The following SATL1 variants were observed in gnomAD, a reference collection of about 807,000 sequenced individuals.
The protein encoded by SATL1 is spermidine/spermine N1-acetyl transferase like 1, also known as spermidine/spermine N(1)-acetyltransferase-like protein 1.
In SATL1, 47 loss-of-function variants were observed where a neutral mutation model predicts 51.8. The observed-to-expected ratio is 0.91, with a 90% confidence interval of 0.72 to 1.16. The LOEUF (loss-of-function observed/expected upper bound fraction) is 1.16. Ranked by LOEUF, SATL1 falls within the 50% of genes most tolerant of loss-of-function variation. The pLI is 0.00. For missense variants in SATL1, 520 were observed against 526.4 expected (o/e 0.99, Z 0.12); for synonymous variants, 176 against 182.4 (o/e 0.97, Z 0.28).
Position 85,127,252 on chromosome X carries a change from T to C in SATL1, c.-312-17972A>G, listed in dbSNP as rs745776648. On this transcript the variant is annotated intron_variant, in intron 2 of 7. Coordinates refer to ENST00000644105, the MANE Select transcript of SATL1 (RefSeq NM_001367857.2). ...CCTCTACCGCCTCACTTCACCCCACTCCTGTTTTCTCATCTATAAGGCAGG... is the reference window on the plus strand; with the variant it reads ...CCTCTACCGCCTCACTTCACCCCACCCCTGTTTTCTCATCTATAAGGCAGG... 4.5e-5 allele frequency among the ~76,000 whole-genome samples: 5 copies of C among 111,080 alleles called. No individual in the cohort carries two copies. The South Asian group carries it at 1.2e-3, about 26-fold the overall frequency.
chrX:85,218,785 T>C (rs1388210536), intron 2 of SATL1, among the ~76,000 whole-genome samples: 1 of 111,922 alleles, frequency 8.9e-6, no homozygotes, highest in Non-Finnish European at 1.9e-5. Flanking sequence ...AATGTTTGCT[T>C]TTTACTTTAG....
At chrX:85,152,108 A>G (rs1182122363) in intron 2 of SATL1, among the ~76,000 whole-genome samples, 5 of 111,448 alleles carry the variant, frequency 4.5e-5, no homozygotes, top group Admixed American at 9.5e-5. Flanking sequence ...ATGAACTCAA[A>G]CAAATTTACA....
At position 85,097,645 on chromosome X, in the gene SATL1, TG is replaced by T. The variant is rs1271019441; in HGVS notation, c.1694-2650del. On this transcript the variant is annotated intron_variant, in intron 4 of 7. Coordinates refer to ENST00000644105, the MANE Select transcript of SATL1 (RefSeq NM_001367857.2). ...GCGTGAGCCACCATGCCCAGCCTAA[TG>T]TACGTTATTGGGCACACAATGTATA... Among the ~76,000 whole-genome samples, 4 of 112,253 alleles carry T rather than the reference TG, an allele frequency of 3.6e-5. No homozygotes were observed. In the Admixed American group the frequency reaches 3.8e-4, roughly 11 times the overall value.
chrX:85,236,675 G>T (rs1267927795), intron 1 of SATL1, among the ~76,000 whole-genome samples: 1 of 111,421 alleles, frequency 9.0e-6, no homozygotes, highest in Non-Finnish European at 1.9e-5. Flanking sequence ...ACTGGTAATA[G>T]AAGGAATGTG....
chrX:85,106,656 A>G (rs769008545), intron 3 of SATL1, among the ~76,000 whole-genome samples: 75 of 111,777 alleles, frequency 6.7e-4, no homozygotes, highest in African/African-American at 2.3e-3. Flanking sequence ...AGTAACTGTG[A>G]CTACTAGATA....
intron 2 of SATL1, among the ~76,000 whole-genome samples, chrX:85,200,728 T>C (rs977190406): frequency 1.8e-5 from 2 of 111,535 alleles, no homozygotes; most frequent in African/African-American, 6.5e-5. Flanking sequence ...TATTTTCTGG[T>C]CTAAAAATTA....
chrX:85,138,057 T>C (rs1046613043), intron 2 of SATL1, among the ~76,000 whole-genome samples: 3 of 112,085 alleles, frequency 2.7e-5, no homozygotes, highest in Non-Finnish European at 5.6e-5. Context: ...TCCTGTATAT[T>C]GTCCACTTTT....
chrX:85,108,260 A>C lies in SATL1; in HGVS notation c.709T>G (p.Cys237Gly). Reference sequence around the variant, plus strand: ...TGGCTCATGTCTGTTTGGTTCTTACATGATTGGCTAGTGTCTGGTTGCCTT... The same window carrying C: ...TGGCTCATGTCTGTTTGGTTCTTACCTGATTGGCTAGTGTCTGGTTGCCTT... Reference protein sequence around the residue: ...GIRQPDTSQSCKNQTDMSQPD... With the variant: ...GIRQPDTSQSGKNQTDMSQPD... Residue 237 changes from cysteine (C) to glycine (G), a missense_variant, in exon 3 of 8, where the codon TGT becomes GGT. By Grantham distance (159) the Cys-to-Gly change is radical. Around this residue, in one of 3 missense-constraint regions of SATL1, gnomAD observed 488 missense variants for 474.3 expected, o/e 1.03. Coordinates refer to ENST00000644105, the MANE Select transcript of SATL1 (RefSeq NM_001367857.2). 1 of 1,208,753 alleles carries C rather than the reference A, an allele frequency of 8.3e-7. No homozygotes were observed. Among genetic ancestry groups the C allele is most frequent in the Non-Finnish European group, 1.1e-6 (1 of 894,439 alleles).
intron 2 of SATL1, among the ~76,000 whole-genome samples, chrX:85,148,663 A>C (rs1022435517): frequency 3.6e-5 from 4 of 111,909 alleles, no homozygotes; most frequent in African/African-American, 1.3e-4. Flanking sequence ...CCAATATTCA[A>C]CATTCTTAAA....
At chrX:85,199,004 A>AT (rs1927635974) in intron 2 of SATL1, among the ~76,000 whole-genome samples, 1 of 109,417 alleles carries the variant, frequency 9.1e-6, no homozygotes, top group African/African-American at 3.3e-5. Context: ...TGCCCAGCTA[A>AT]TTTTTTTGTA....
At chrX:85,120,056 A>G (rs192815452) in intron 2 of SATL1, among the ~76,000 whole-genome samples, 150 of 111,557 alleles carry the variant, frequency 1.3e-3, no homozygotes, top group African/African-American at 4.6e-3. Context: ...TTCTCCTTCA[A>G]ATAGTCCTCC....
chrX:85,132,504 T>C (rs1313771821), intron 2 of SATL1, among the ~76,000 whole-genome samples: 1 of 111,942 alleles, frequency 8.9e-6, no homozygotes, highest in African/African-American at 3.2e-5. Context: ...CTCCATCAGG[T>C]CATTTAAGGT....
rs1371354917 is a variant in SATL1, at chrX:85,092,450, C to T, written c.2029G>A (p.Gly677Ser). Reference protein sequence around the residue: ...RGALDLSSEEGWHLFRFNREE... With the variant: ...RGALDLSSEESWHLFRFNREE... ...CTGTTAAACCTGAAGAGATGCCAGCCCTCCTCAGAGGAAAGGTCTAAAGCC... is the reference window on the plus strand; with the variant it reads ...CTGTTAAACCTGAAGAGATGCCAGCTCTCCTCAGAGGAAAGGTCTAAAGCC... Residue 677 changes from glycine to serine, a missense_variant, in exon 8 of 8, where the codon GGC (glycine) becomes AGC (serine). Coordinates refer to ENST00000644105, the MANE Select transcript of SATL1 (RefSeq NM_001367857.2). 8.3e-7 allele frequency: 1 copy of T among 1,200,365 alleles called. No individual in the cohort carries two copies. Among genetic ancestry groups the T allele is most frequent in the Admixed American group, 2.2e-5 (1 of 44,981 alleles).
chrX:85,134,552 G>C (rs1253772822), intron 2 of SATL1, among the ~76,000 whole-genome samples: 2 of 111,678 alleles, frequency 1.8e-5, no homozygotes, highest in Non-Finnish European at 3.8e-5. Context: ...GTCAATGTAA[G>C]TGCTGTGCTA....
chrX:85,197,470 CTTTATTTATTTA>C (rs767059111), intron 2 of SATL1, among the ~76,000 whole-genome samples: 1 of 108,053 alleles, frequency 9.3e-6, no homozygotes, highest in Non-Finnish European at 1.9e-5. Flanking sequence ...AATACTAGAT[CTTTATTTATTTA>C]TTTATTTATT....
intron 1 of SATL1, among the ~76,000 whole-genome samples, chrX:85,238,136 T>C (rs1475765484): frequency 9.0e-6 from 1 of 111,502 alleles, no homozygotes; most frequent in Non-Finnish European, 1.9e-5. Flanking sequence ...ACAACCACTA[T>C]AAAGAACACT....
At chrX:85,209,044 T>C (rs1447181248) in intron 2 of SATL1, 1 of 111,680 alleles carries the variant, frequency 9.0e-6, no homozygotes, top group Non-Finnish European at 1.9e-5. Context: ...TAACATTTAA[T>C]CCATCTTGAA....
intron 2 of SATL1, chrX:85,116,170 T>C (rs1222068306): frequency 1.8e-5 from 2 of 111,643 alleles, no homozygotes; most frequent in Non-Finnish European, 3.8e-5. Flanking sequence ...TATATCCCAG[T>C]CGCATGGCAT....
At chrX:85,217,478 A>G (rs770573071) in intron 2 of SATL1, among the ~76,000 whole-genome samples, 26 of 111,336 alleles carry the variant, frequency 2.3e-4, no homozygotes, top group Non-Finnish European at 4.2e-4. Flanking sequence ...TGATAAGGGA[A>G]AGATAGTGCC....
Sources: allele counts gnomAD v4.1 joint callset (sites outside exome capture counted in the v4.1 genomes callset), GRCh38; gene constraint gnomAD v4.1.1; regional missense constraint gnomAD v4.1.1; transcripts MANE v1.5; gene names NCBI Gene and HGNC (gene_info 2026-07-23, HGNC 2026-07-21).